NQO2: variants seen among roughly 807,000 people sequenced by gnomAD.
NQO2 encodes N-ribosyldihydronicotinamide:quinone dehydrogenase 2, also known as ribosyldihydronicotinamide dehydrogenase [quinone].
A neutral mutation model predicts 22.0 loss-of-function variants in NQO2; 18 were observed. That is an observed-to-expected ratio of 0.82 (90% CI 0.56 to 1.21). The LOEUF (loss-of-function observed/expected upper bound fraction) is 1.21. Among genes scored for constraint, NQO2 ranks in the 50% most tolerant of loss-of-function variants. NQO2 has a pLI of 0.00. For missense variants in NQO2, 267 were observed against 286.9 expected, an observed-to-expected ratio of 0.93 and a Z score of 0.50; for synonymous variants, 106 against 110.8, an observed-to-expected ratio of 0.96 and a Z score of 0.28.
intron 3 of NQO2, among the ~76,000 whole-genome samples, chr6:3,012,195 TAG>T (rs1211640869): frequency 1.3e-5 from 2 of 152,112 alleles, no homozygotes; most frequent in Non-Finnish European, 2.9e-5. Flanking sequence ...AATTAAAGCG[TAG>T]AGTTTATTTT....
chr6:3,008,680 G>A (rs1326871407), intron 2 of NQO2, among the ~76,000 whole-genome samples: 2 of 152,190 alleles, frequency 1.3e-5, no homozygotes, highest in East Asian at 1.9e-4. Context: ...AATATTTCAC[G>A]TAGGTTCTTT....
At chr6:3,007,891 G>A (rs761537208) in intron 2 of NQO2, among the ~76,000 whole-genome samples, 6 of 152,236 alleles carry the variant, frequency 3.9e-5, no homozygotes, top group Non-Finnish European at 8.8e-5. Context: ...GCTGATATCT[G>A]CAAATGTAGG....
At chr6:3,002,254 C>A in intron 1 of NQO2, 1 of 984,234 alleles carries the variant, frequency 1.0e-6, no homozygotes, top group Non-Finnish European at 1.2e-6. Context: ...GGTGTTCCCC[C>A]AGTCTGCAGA....
At chr6:3,019,362 T>G (rs1320811609) in intron 6 of NQO2, 117 bp from the exon 7 acceptor site, 3 of 1,453,384 alleles carry the variant, frequency 2.1e-6, no homozygotes, top group Non-Finnish European at 2.7e-6. Context: ...ACATTAAGGT[T>G]GTTTCATGAT....
chr6:3,005,938 C>A, intron 1 of NQO2: 3 of 346,466 alleles, frequency 8.7e-6, no homozygotes, highest in Non-Finnish European at 1.2e-5. Flanking sequence ...GTCTCCTCTG[C>A]TCCTCTGGCC....
intron 1 of NQO2, among the ~76,000 whole-genome samples, chr6:3,003,350 T>A (rs558500391): frequency 2.8e-4 from 42 of 150,954 alleles, no homozygotes; most frequent in Non-Finnish European, 5.3e-4. Context: ...ACAAGTAACT[T>A]GTTCTTCACA....
intron 3 of NQO2, 95 bp downstream of exon 3, chr6:3,010,284 AAGC>A: frequency 8.9e-7 from 1 of 1,124,868 alleles, no homozygotes; most frequent in African/African-American, 1.6e-5. Flanking sequence ...GGCATTATAG[AAGC>A]AAGCTAGCTT....
In NQO2 at chr6:3,006,885, C is replaced by T; in HGVS notation, c.7+326C>T. 2 of 418,236 alleles carry T rather than the reference C, an allele frequency of 4.8e-6. No homozygotes were observed. The highest frequency in any genetic ancestry group is 6.1e-4 in the Middle Eastern group (1 of 1,642). The allele number at this position is 418,236 out of a possible 1,614,324, so 25.9% of individuals were successfully genotyped here. On this transcript the variant is annotated intron_variant, in intron 2 of 6. Transcript: ENST00000380455. The surrounding 1 kb of genome is among the most constrained non-coding windows in gnomAD (Gnocchi z 4.0). ...CTGTGCCTCCAGGCCCTGAAATTCT[C>T]CCTGGGCTGTAGCAGGGGCTCAAGT...
rs75739912 is a variant in NQO2 at position 3,016,015 on chromosome 6, C to T, written c.417+372C>T. On this transcript the variant is annotated intron_variant, in intron 5 of 6. Transcript: ENST00000380455. ...CCAGCCCTGGCCTGGCACAAGTTCA[C>T]CCCCTTGAGCATCATGTGCCTGCTG... Among the ~76,000 whole-genome samples the T allele has an allele frequency of 7.2e-3, 1,097 of 152,296 alleles. 28 individuals carry two copies. In the East Asian group the frequency reaches 0.084, roughly 12 times the overall value.
chr6:3,002,089 C>G (rs4149353), intron 1 of NQO2: 31,413 of 370,534 alleles, frequency 0.085, 1,525 homozygotes, highest in East Asian at 0.21. Flanking sequence ...ATGCCACCAG[C>G]CATATGATGT....
Position 3,016,895 on chromosome 6 carries a change from G to T in NQO2, c.429G>T (p.Ala143=). The change falls in exon 6 of 7, where the codon GCG becomes GCT. Residue 143 remains alanine (A), a synonymous_variant. Coordinates refer to ENST00000380455, the MANE Select transcript of NQO2 (RefSeq NM_000904.6). The stretch of plus-strand genomic sequence containing the variant: ...TTTCTCCCTTGCAGGGTAAACTAGC[G>T]CTCCTTTCCGTAACCACGGGAGGCA... ...YDSGLLQGKL[A]LLSVTTGGTA... is the part of the protein sequence containing the mutation. 6.2e-7 allele frequency: 1 copy of T among 1,613,776 alleles called. No homozygotes were observed. Among genetic ancestry groups the T allele is most frequent in the African/African-American group, 1.3e-5 (1 of 75,048 alleles).
intron 4 of NQO2, among the ~76,000 whole-genome samples, chr6:3,013,664 C>T (rs1757223676): frequency 6.6e-6 from 1 of 152,114 alleles, no homozygotes; most frequent in South Asian, 2.1e-4. Context: ...ACTGGCCCAG[C>T]AAAATGCCCT....
chr6:3,003,912 G>C (rs1756832645), intron 1 of NQO2: 5 of 150,986 alleles, frequency 3.3e-5, no homozygotes, highest in Admixed American at 3.3e-4. Context: ...AATATCTGCA[G>C]TTGCCAATCC....
At chr6:3,013,893 C>G (rs924424782) in intron 4 of NQO2, among the ~76,000 whole-genome samples, 1 of 152,220 alleles carries the variant, frequency 6.6e-6, no homozygotes, top group African/African-American at 2.4e-5. Context: ...TGTAGCTGCT[C>G]TCGTCCACAG....
intron 5 of NQO2, 46 bp downstream of exon 5, chr6:3,015,689 G>A (rs1174508967): frequency 1.3e-6 from 2 of 1,559,128 alleles, no homozygotes; most frequent in Non-Finnish European, 1.8e-6. Flanking sequence ...TGGAGGGAGG[G>A]GACAGAGGAT....
Position 3,012,674 on chromosome 6 carries a change from GGTTT to G in NQO2, c.303+5_303+8del. 1.2e-6 allele frequency: 2 copies of G among 1,611,364 alleles called. No homozygotes were observed. Among genetic ancestry groups the G allele is most frequent in the Non-Finnish European group, 1.7e-6 (2 of 1,178,970 alleles). On this transcript the variant is annotated splice_donor_variant and splice_donor_region_variant and intron_variant, in intron 4 of 6. Transcript: ENST00000380455. LOFTEE classifies it high-confidence loss of function. ...GGGAGGCTGACCTAGTGATATTTCA[GGTTT>G]GTTTTTCTCTAATTAATATATTGAA...
intron 2 of NQO2, among the ~76,000 whole-genome samples, chr6:3,009,656 C>A (rs1757076885): frequency 6.6e-6 from 1 of 152,178 alleles, no homozygotes; most frequent in Non-Finnish European, 1.5e-5. Context: ...TAATAAATGT[C>A]CACGAAATCT....
At chr6:3,002,238 G>A (rs1756758275) in intron 1 of NQO2, 1 of 985,150 alleles carries the variant, frequency 1.0e-6, no homozygotes, top group African/African-American at 1.7e-5. Flanking sequence ...TTGGGAATCA[G>A]GATAAGGTGT....
chr6:3,000,527 G>GAA lies in NQO2; in HGVS notation c.-86+452_-86+453dup, dbSNP rs113900840. ...CTTCTCTAACCTATAATCTCTCTGG[G>GAA]AAAAAAAAAAATCAGCTTTTTTTTT... On this transcript the variant is annotated intron_variant, in intron 1 of 6. Transcript: ENST00000380455. Among the ~76,000 whole-genome samples the GAA allele has an allele frequency of 4.2e-4, 62 of 147,812 alleles. 1 individual carries two copies. Among genetic ancestry groups the GAA allele is most frequent in the Admixed American group, 2.3e-3 (35 of 14,958 alleles).
Sources: allele counts gnomAD v4.1 joint callset (sites outside exome capture counted in the v4.1 genomes callset), GRCh38; gene constraint gnomAD v4.1.1; non-coding constraint Gnocchi (gnomAD v3.1); transcripts MANE v1.5; gene names NCBI Gene and HGNC (gene_info 2026-07-23, HGNC 2026-07-21).